Variants in TESK2 observed in about 807,000 individuals in gnomAD.
TESK2 encodes the protein dual specificity testis-specific protein kinase 2.
In TESK2, 39 loss-of-function variants were observed where a neutral mutation model predicts 57.1. The observed-to-expected ratio is 0.68, with a 90% CI of 0.53 to 0.89. The LOEUF is 0.89. Among genes scored for constraint, TESK2 ranks in the 40% least tolerant of loss-of-function variants. The pLI is 0.00. For missense variants in TESK2, 646 were observed against 732.1 expected (o/e 0.88, Z 1.36); for synonymous variants, 249 against 267.9 (o/e 0.93, Z 0.69).
chr1:45,369,474 C>A lies in TESK2; in HGVS notation c.394-14025G>T, dbSNP rs1570658025. Among the ~76,000 whole-genome samples, 3 of 151,526 alleles carry A rather than the reference C, an allele frequency of 2.0e-5. No homozygotes were observed. In the East Asian group the frequency reaches 5.8e-4, roughly 29 times the overall value. ...CACCACTGCACTCCAGCCTGGGCAA[C>A]AAAAGTGAAACTCCATCTCTAAATA... is the stretch of plus-strand genomic sequence containing the variant. On this transcript the variant is annotated intron_variant, in intron 4 of 10. Transcript: ENST00000372086.
intron 3 of TESK2, among the ~76,000 whole-genome samples, chr1:45,397,884 A>G (rs778275992): frequency 1.3e-5 from 2 of 152,128 alleles, no homozygotes; most frequent in Non-Finnish European, 2.9e-5. Flanking sequence ...TGTGCCAGAC[A>G]TGTCCACATA....
chr1:45,358,239 G>A (rs1008414421), intron 4 of TESK2, among the ~76,000 whole-genome samples: 1 of 151,808 alleles, frequency 6.6e-6, no homozygotes, highest in South Asian at 2.1e-4. Context: ...CATGAACCCA[G>A]GAGGCGGAGC....
chr1:45,379,564 C>T (rs1431427557), intron 4 of TESK2, among the ~76,000 whole-genome samples: 1 of 152,152 alleles, frequency 6.6e-6, no homozygotes, highest in African/African-American at 2.4e-5. Context: ...TCTTATAAGT[C>T]TGACAAAACC....
intron 2 of TESK2, among the ~76,000 whole-genome samples, chr1:45,449,971 A>G (rs538755678): frequency 2.0e-5 from 3 of 152,312 alleles, no homozygotes; most frequent in Admixed American, 6.5e-5. Flanking sequence ...ATGGAATAAA[A>G]CAGAAAATCC....
chr1:45,476,713 G>A (rs1171291555), intron 1 of TESK2, among the ~76,000 whole-genome samples: 1 of 151,920 alleles, frequency 6.6e-6, no homozygotes, highest in Non-Finnish European at 1.5e-5. Context: ...CAGGCCTGGT[G>A]GCACACGCCT....
At chr1:45,354,873 G>T (rs1647357369) in intron 5 of TESK2, among the ~76,000 whole-genome samples, 2 of 124,928 alleles carry the variant, frequency 1.6e-5, no homozygotes, top group Admixed American at 8.6e-5. Context: ...GCACTGAAAG[G>T]AACCTGCTAT....
intron 4 of TESK2, among the ~76,000 whole-genome samples, chr1:45,373,342 G>C (rs1648280026): frequency 6.6e-6 from 1 of 152,196 alleles, no homozygotes; most frequent in African/African-American, 2.4e-5. Flanking sequence ...TGATTGGTAA[G>C]ATTTGGAAAA....
At chr1:45,347,506 G>A (rs995836244) in intron 7 of TESK2, 103 bp downstream of exon 7, 12 of 1,102,554 alleles carry the variant, frequency 1.1e-5, no homozygotes, top group Non-Finnish European at 1.3e-5. Flanking sequence ...GCAGTAAGCC[G>A]AGATCGTGCC....
At chr1:45,397,113 C>A (rs1570687837) in intron 3 of TESK2, among the ~76,000 whole-genome samples, 1 of 152,138 alleles carries the variant, frequency 6.6e-6, no homozygotes, top group East Asian at 1.9e-4. Context: ...GCCACCACAC[C>A]CAGCCTGGTA....
intron 2 of TESK2, among the ~76,000 whole-genome samples, chr1:45,444,288 G>A (rs1035515525): frequency 2.0e-5 from 3 of 151,978 alleles, no homozygotes; most frequent in African/African-American, 7.3e-5. Context: ...TCCAAGGGCT[G>A]TAGTTTACCA....
At chr1:45,379,382 T>C (rs972462561) in intron 4 of TESK2, among the ~76,000 whole-genome samples, 4 of 152,224 alleles carry the variant, frequency 2.6e-5, no homozygotes, top group African/African-American at 7.2e-5. Flanking sequence ...TAGGCTGGTC[T>C]TGAACGCCTG....
At chr1:45,396,309 T>A (rs879380590) in intron 3 of TESK2, among the ~76,000 whole-genome samples, 4 of 151,860 alleles carry the variant, frequency 2.6e-5, no homozygotes, top group Non-Finnish European at 5.9e-5. Flanking sequence ...TTGGCCAGGC[T>A]GGTCTTGAAC....
chr1:45,483,813 C>T (rs1466823226), intron 1 of TESK2, among the ~76,000 whole-genome samples: 1 of 148,256 alleles, frequency 6.7e-6, no homozygotes. Flanking sequence ...GCCTAGGCAA[C>T]ATAGGGAGGC....
chr1:45,415,128 T>C, intron 3 of TESK2: 2 of 1,488,702 alleles, frequency 1.3e-6, no homozygotes, highest in Non-Finnish European at 1.9e-6. Context: ...AACAGAAAAC[T>C]TTTGTGCTCT....
chr1:45,400,498 C>CA (rs1260376467), intron 3 of TESK2, among the ~76,000 whole-genome samples: 2 of 152,034 alleles, frequency 1.3e-5, no homozygotes, highest in Admixed American at 6.6e-5. Flanking sequence ...GTACATAACA[C>CA]AAAAAATTGT....
intron 1 of TESK2, among the ~76,000 whole-genome samples, chr1:45,475,063 C>CAAAAA (rs58542898): frequency 4.4e-4 from 38 of 87,164 alleles, no homozygotes; most frequent in East Asian, 9.0e-4. Context: ...GACTCTATCT[C>CAAAAA]AAAAAAAAAA....
chr1:45,356,292 AGAG>A (rs1647419050), intron 4 of TESK2, among the ~76,000 whole-genome samples: 1 of 152,202 alleles, frequency 6.6e-6, no homozygotes, highest in African/African-American at 2.4e-5. Context: ...AAATACCCAG[AGAG>A]CAAGGAGAGG....
At chr1:45,391,220 T>A (rs1649132678) in intron 3 of TESK2, among the ~76,000 whole-genome samples, 1 of 148,454 alleles carries the variant, frequency 6.7e-6, no homozygotes, top group South Asian at 2.2e-4. Context: ...CCAGCCCTTT[T>A]TTTTTTTTTT....
At chr1:45,399,701 C>T (rs1649521278) in intron 3 of TESK2, among the ~76,000 whole-genome samples, 1 of 151,992 alleles carries the variant, frequency 6.6e-6, no homozygotes, top group African/African-American at 2.4e-5. Context: ...CTGCCTGCCT[C>T]GGCCTCCCAA....
Sources: gnomAD v4.1 joint callset for allele counts (sites outside exome capture counted in the v4.1 genomes callset) on GRCh38, gnomAD v4.1.1 for gene constraint, MANE v1.5 for transcripts, NCBI Gene and HGNC (gene_info 2026-07-23, HGNC 2026-07-21) for gene names.